PRKG1: variants seen among roughly 807,000 people sequenced by gnomAD.
The protein encoded by PRKG1 is protein kinase cGMP-dependent 1.
PRKG1 carries 35 observed loss-of-function variants against 88.1 expected under a neutral mutation model. That is an observed-to-expected ratio of 0.40 (90% CI 0.30 to 0.53). The LOEUF is 0.53. Ranked by LOEUF, PRKG1 falls within the 20% of genes least tolerant of loss-of-function variation. The pLI is 0.59. For synonymous variants in PRKG1, 303 were observed against 292.5 expected, an observed-to-expected ratio of 1.04 and a Z score of -0.37; for missense variants, 540 against 839.8, an observed-to-expected ratio of 0.64 and a Z score of 4.41.
chr10:51,756,111 C>T (rs1445039777), intron 3 of PRKG1, among the ~76,000 whole-genome samples: 2 of 152,064 alleles, frequency 1.3e-5, no homozygotes, highest in African/African-American at 4.8e-5. Flanking sequence ...TGGGGGCAGA[C>T]AAGGAAAGTA....
intron 2 of PRKG1, among the ~76,000 whole-genome samples, chr10:51,222,737 G>A (rs1462333376): frequency 6.6e-6 from 1 of 152,104 alleles, no homozygotes; most frequent in Non-Finnish European, 1.5e-5. Context: ...GCCACCATAA[G>A]TATGAGTACT....
At chr10:52,243,635 G>T (rs1222209731) in intron 9 of PRKG1, among the ~76,000 whole-genome samples, 1 of 152,132 alleles carries the variant, frequency 6.6e-6, no homozygotes, top group East Asian at 1.9e-4. Context: ...AATTTTTCCG[G>T]TGTTTAATTA....
intron 3 of PRKG1, among the ~76,000 whole-genome samples, chr10:51,563,750 C>A (rs1018908805): frequency 6.6e-6 from 1 of 152,080 alleles, no homozygotes; most frequent in Admixed American, 6.6e-5. Context: ...AATGAGGATG[C>A]TTCTCAGAAG....
chr10:52,281,851 ACACTCCAACCT>A (rs1199355461), intron 13 of PRKG1, among the ~76,000 whole-genome samples: 1 of 152,156 alleles, frequency 6.6e-6, no homozygotes, highest in Non-Finnish European at 1.5e-5. Context: ...TTCTGTGTTT[ACACTCCAACCT>A]CCATTAGCAT....
intron 2 of PRKG1, among the ~76,000 whole-genome samples, chr10:51,360,547 T>G (rs1037984055): frequency 6.6e-6 from 1 of 151,954 alleles, no homozygotes; most frequent in African/African-American, 2.4e-5. Context: ...GCAATTCAGA[T>G]AGTGATAGCT....
At chr10:51,895,260 A>G (rs901096110) in intron 4 of PRKG1, among the ~76,000 whole-genome samples, 3 of 152,190 alleles carry the variant, frequency 2.0e-5, no homozygotes, top group African/African-American at 7.2e-5. Context: ...TGAGTAGTGA[A>G]GATGACAAAA....
At chr10:51,005,175 C>T (rs922993879) in intron 1 of PRKG1, among the ~76,000 whole-genome samples, 1 of 151,684 alleles carries the variant, frequency 6.6e-6, no homozygotes, top group African/African-American at 2.4e-5. Context: ...TGATTGGAGC[C>T]AAAAGGTAAA....
chr10:51,652,888 C>T (rs1840074524), intron 3 of PRKG1, among the ~76,000 whole-genome samples: 1 of 152,166 alleles, frequency 6.6e-6, no homozygotes, highest in Non-Finnish European at 1.5e-5. Context: ...CCTACTACTC[C>T]TCTCCAGCCT....
At position 51,664,319 on chromosome 10, in the gene PRKG1, A is replaced by C. The variant is rs1275140368; in HGVS notation, c.593-140266A>C. Among the ~76,000 whole-genome samples, 4 of 152,272 alleles carry C rather than the reference A, an allele frequency of 2.6e-5. No homozygotes were observed. The East Asian group carries it at 7.7e-4, about 29-fold the overall frequency. On this transcript the variant is annotated intron_variant, in intron 3 of 17. Coordinates refer to ENST00000373980, the MANE Select transcript of PRKG1 (RefSeq NM_006258.4). ...TTTCTTTCTGTTGTTTGGCCCATCAATTCATGAATTAATTTTCATAGCCAA... is the reference window on the plus strand; with the variant it reads ...TTTCTTTCTGTTGTTTGGCCCATCACTTCATGAATTAATTTTCATAGCCAA...
chr10:50,995,062 A>G (rs1047030492), intron 1 of PRKG1, among the ~76,000 whole-genome samples: 1 of 152,084 alleles, frequency 6.6e-6, no homozygotes, highest in African/African-American at 2.4e-5. Context: ...TCGCCCATGG[A>G]TACTGAAGGA....
chr10:51,840,021 G>C (rs1840230757), intron 4 of PRKG1, among the ~76,000 whole-genome samples: 1 of 152,176 alleles, frequency 6.6e-6, no homozygotes, highest in South Asian at 2.1e-4. Flanking sequence ...TTTTAATTTA[G>C]ATCAGCAGTT....
chr10:51,221,594 A>G (rs1397395071), intron 2 of PRKG1, among the ~76,000 whole-genome samples: 1 of 151,550 alleles, frequency 6.6e-6, no homozygotes, highest in Non-Finnish European at 1.5e-5. Context: ...TAATTTCAGC[A>G]AGTCAATACA....
At chr10:52,220,243 C>A (rs1367603753) in intron 9 of PRKG1, among the ~76,000 whole-genome samples, 1 of 152,056 alleles carries the variant, frequency 6.6e-6, no homozygotes, top group African/African-American at 2.4e-5. Flanking sequence ...CTGGGAAAGC[C>A]AGTCACCCTA....
chr10:51,449,267 T>C (rs1839363590), intron 2 of PRKG1, among the ~76,000 whole-genome samples: 1 of 151,854 alleles, frequency 6.6e-6, no homozygotes, highest in African/African-American at 2.4e-5. Flanking sequence ...TAAAAATAGT[T>C]CAGTTCCTTT....
intron 7 of PRKG1, among the ~76,000 whole-genome samples, chr10:52,097,384 G>A (rs970585148): frequency 1.3e-5 from 2 of 152,052 alleles, no homozygotes; most frequent in Admixed American, 1.3e-4. Context: ...TAACTATTCA[G>A]TAGAATATAT....
At chr10:52,137,436 T>C (rs1261836893) in intron 8 of PRKG1, among the ~76,000 whole-genome samples, 1 of 152,082 alleles carries the variant, frequency 6.6e-6, no homozygotes, top group Non-Finnish European at 1.5e-5. Context: ...ATTAAGTACC[T>C]TTGGTACCTC....
intron 3 of PRKG1, among the ~76,000 whole-genome samples, chr10:51,737,491 T>C (rs1422959396): frequency 1.3e-5 from 2 of 152,116 alleles, no homozygotes; most frequent in Admixed American, 6.6e-5. Context: ...GGGAGTCACA[T>C]TGTTGTATTT....
intron 2 of PRKG1, among the ~76,000 whole-genome samples, chr10:51,301,362 A>AG (rs1246021093): frequency 6.6e-6 from 1 of 150,940 alleles, no homozygotes; most frequent in Non-Finnish European, 1.5e-5. Context: ...GGGGAATGAG[A>AG]GGGAAAAAAA....
intron 1 of PRKG1, among the ~76,000 whole-genome samples, chr10:51,009,631 A>G (rs1314224787): frequency 6.6e-6 from 1 of 152,232 alleles, no homozygotes; most frequent in Non-Finnish European, 1.5e-5. Context: ...TATAAAATAA[A>G]TTATACAATG....
Sources: allele counts gnomAD v4.1 joint callset (sites outside exome capture counted in the v4.1 genomes callset), GRCh38; gene constraint gnomAD v4.1.1; transcripts MANE v1.5; gene names NCBI Gene and HGNC (gene_info 2026-07-23, HGNC 2026-07-21).